Variants in C10orf67 observed in about 807,000 individuals in gnomAD.
C10orf67 encodes the protein chromosome 10 open reading frame 67.
In C10orf67, 60 loss-of-function variants were observed where a neutral mutation model predicts 35.6. That is an observed-to-expected ratio of 1.68 (90% CI 1.37 to 2.09). The LOEUF (loss-of-function observed/expected upper bound fraction) is 2.09, where lower values mean the gene tolerates loss of function less well. Among genes scored for constraint, C10orf67 ranks in the 30% most tolerant of loss-of-function variants. The pLI is 0.00. For synonymous variants in C10orf67, 167 were observed against 115.8 expected, an observed-to-expected ratio of 1.44 and a Z score of -2.84; for missense variants, 474 against 330.2, an observed-to-expected ratio of 1.44 and a Z score of -3.38.
In C10orf67 at chr10:23,289,893, A is replaced by G. The variant is rs1843665018; in HGVS notation, c.909+7T>C. 1.4e-6 allele frequency: 1 copy of G among 716,568 alleles called. No individual in the cohort carries two copies. The highest frequency in any genetic ancestry group is 1.7e-5 in the African/African-American group (1 of 57,284). The allele number at this position is 716,568 out of a possible 1,614,324, so 44.4% of individuals were successfully genotyped here. A position where few individuals can be genotyped will look rare whatever the true frequency, so the allele number is the denominator to read the frequency against. On this transcript the variant is annotated splice_region_variant and intron_variant, in intron 7 of 15. Coordinates refer to ENST00000636213, the MANE Select transcript of C10orf67 (RefSeq NM_001371909.1). ...GAGTCATTTATCAACGTAAAACGTT[A>G]TAGTACCTTTTGAATAGTTTTGTGA...
intron 12 of C10orf67, among the ~76,000 whole-genome samples, chr10:23,247,484 C>T (rs1244198795): frequency 1.3e-5 from 2 of 152,138 alleles, no homozygotes; most frequent in East Asian, 3.8e-4. Flanking sequence ...GCTATGCCAT[C>T]TAGGTTTGTA....
At chr10:23,222,135 C>A (rs947554692) in intron 15 of C10orf67, among the ~76,000 whole-genome samples, 1 of 152,112 alleles carries the variant, frequency 6.6e-6, no homozygotes, top group Non-Finnish European at 1.5e-5. Flanking sequence ...GGAGGATTTT[C>A]AGTAGACAGA....
intron 15 of C10orf67, among the ~76,000 whole-genome samples, chr10:23,221,831 T>G (rs1841589064): frequency 6.6e-6 from 1 of 152,234 alleles, no homozygotes; most frequent in African/African-American, 2.4e-5. Context: ...CTAGTAAATT[T>G]TGGATTAACT....
At chr10:23,211,152 A>G (rs901000256) in intron 15 of C10orf67, among the ~76,000 whole-genome samples, 2 of 152,096 alleles carry the variant, frequency 1.3e-5, no homozygotes, top group Admixed American at 1.3e-4. Flanking sequence ...TTGTAGGGCC[A>G]TGCTCCCCCT....
At chr10:23,338,372 C>T (rs938119073) in intron 1 of C10orf67, among the ~76,000 whole-genome samples, 1 of 152,168 alleles carries the variant, frequency 6.6e-6, no homozygotes, top group African/African-American at 2.4e-5. Context: ...GAGATCAATA[C>T]TGAGCTCCCA....
chr10:23,342,388 G>T (rs555164734), intron 1 of C10orf67, among the ~76,000 whole-genome samples: 1 of 151,948 alleles, frequency 6.6e-6, no homozygotes, highest in Non-Finnish European at 1.5e-5. Context: ...CACAAAGGCC[G>T]GGCTTTCGTC....
Position 23,203,892 on chromosome 10 carries a change from G to A in C10orf67, c.*281C>T, listed in dbSNP as rs560345371. On this transcript the variant is annotated 3_prime_UTR_variant, in exon 16 of 16. Coordinates refer to ENST00000636213, the MANE Select transcript of C10orf67 (RefSeq NM_001371909.1). ...GACGCCTGGGCTCTTCTGAGTCCCCGGAGCTCCTGAATGGATGTGGTTGCC... is the reference window on the plus strand; with the variant it reads ...GACGCCTGGGCTCTTCTGAGTCCCCAGAGCTCCTGAATGGATGTGGTTGCC... The A allele has an allele frequency of 1.4e-5, 4 of 282,204 alleles. No homozygotes were observed. Among genetic ancestry groups the A allele is most frequent in the African/African-American group, 2.2e-5 (1 of 45,802 alleles). 17.5% of individuals were successfully genotyped at this position (282,204 alleles called of 1,614,324 possible).
At chr10:23,313,907 C>A (rs1279220837) in intron 4 of C10orf67, among the ~76,000 whole-genome samples, 2 of 151,980 alleles carry the variant, frequency 1.3e-5, no homozygotes, top group African/African-American at 4.8e-5. Context: ...GATGACTGGG[C>A]AGACGATGGA....
intron 10 of C10orf67, 109 bp downstream of exon 10, chr10:23,266,153 G>A (rs1787714621): frequency 7.6e-6 from 3 of 392,886 alleles, no homozygotes; most frequent in Admixed American, 4.4e-5. Flanking sequence ...CACTCAGGGG[G>A]TGAGAACCCG....
At chr10:23,255,430 C>G (rs917535823) in intron 10 of C10orf67, among the ~76,000 whole-genome samples, 1 of 152,246 alleles carries the variant, frequency 6.6e-6, no homozygotes, top group Middle Eastern at 3.4e-3. Flanking sequence ...TGAAGCCATA[C>G]AGGATTTAGG....
At chr10:23,327,912 A>G (rs1352381718) in intron 2 of C10orf67, among the ~76,000 whole-genome samples, 1 of 152,096 alleles carries the variant, frequency 6.6e-6, no homozygotes, top group East Asian at 1.9e-4. Flanking sequence ...TGCAACAAAC[A>G]CCAGATAATT....
chr10:23,301,421 C>A (rs997257960), intron 5 of C10orf67, among the ~76,000 whole-genome samples: 1 of 152,222 alleles, frequency 6.6e-6, no homozygotes, highest in African/African-American at 2.4e-5. Flanking sequence ...AACTGTCCGA[C>A]AGGTGCCCGG....
At chr10:23,330,956 A>T (rs1564518526) in intron 2 of C10orf67, among the ~76,000 whole-genome samples, 1 of 150,614 alleles carries the variant, frequency 6.6e-6, no homozygotes, top group African/African-American at 2.4e-5. Flanking sequence ...AAAAGGAAGG[A>T]AAACCGGGAA....
At chr10:23,321,439 T>C (rs1344928460) in intron 3 of C10orf67, among the ~76,000 whole-genome samples, 1 of 152,258 alleles carries the variant, frequency 6.6e-6, no homozygotes, top group Non-Finnish European at 1.5e-5. Flanking sequence ...CTCGAACTCC[T>C]GGGCTCAGAC....
At chr10:23,273,199 T>C (rs773871502) in intron 8 of C10orf67, among the ~76,000 whole-genome samples, 2 of 152,222 alleles carry the variant, frequency 1.3e-5, no homozygotes, top group Non-Finnish European at 2.9e-5. Context: ...ATTGCACTGG[T>C]TAGGACCTAA....
intron 15 of C10orf67, among the ~76,000 whole-genome samples, chr10:23,219,536 G>A (rs1841520138): frequency 6.6e-6 from 1 of 152,128 alleles, no homozygotes; most frequent in African/African-American, 2.4e-5. Flanking sequence ...GTGCTCTCTT[G>A]GATAATTACT....
At chr10:23,208,783 G>T (rs1448048767) in intron 15 of C10orf67, among the ~76,000 whole-genome samples, 1 of 152,100 alleles carries the variant, frequency 6.6e-6, no homozygotes, top group African/African-American at 2.4e-5. Flanking sequence ...ACTTGCTTTG[G>T]CTAATGGGAT....
chr10:23,273,317 C>T (rs1307249517), intron 8 of C10orf67, among the ~76,000 whole-genome samples: 5 of 152,266 alleles, frequency 3.3e-5, no homozygotes, highest in Non-Finnish European at 5.9e-5. Context: ...TAGTGTGTTT[C>T]GTAGATATCG....
intron 5 of C10orf67, among the ~76,000 whole-genome samples, chr10:23,300,594 T>G (rs1344450676): frequency 1.3e-5 from 2 of 152,224 alleles, no homozygotes; most frequent in Non-Finnish European, 2.9e-5. Context: ...AGAGGTATGC[T>G]TCCTCAATGC....
Sources: allele counts gnomAD v4.1 joint callset (sites outside exome capture counted in the v4.1 genomes callset), GRCh38; gene constraint gnomAD v4.1.1; transcripts MANE v1.5; gene names NCBI Gene and HGNC (gene_info 2026-07-23, HGNC 2026-07-21).